The following EIF3H variants were observed in gnomAD, a reference collection of about 807,000 sequenced individuals.
The protein encoded by EIF3H is eIF-3-gamma.
In EIF3H, 26 loss-of-function variants were observed where a neutral mutation model predicts 44.2. That is an observed-to-expected ratio of 0.59 (90% CI 0.43 to 0.82). The LOEUF is 0.82. Ranked by LOEUF, EIF3H falls within the 40% of genes least tolerant of loss-of-function variation. EIF3H has a pLI of 0.00. For missense variants in EIF3H, 359 were observed against 432.8 expected, an observed-to-expected ratio of 0.83 and a Z score of 1.51; for synonymous variants, 166 against 151.9, an observed-to-expected ratio of 1.09 and a Z score of -0.68.
At chr8:116,714,459 A>G (rs1395831285) in intron 2 of EIF3H, among the ~76,000 whole-genome samples, 1 of 152,000 alleles carries the variant, frequency 6.6e-6, no homozygotes, top group Non-Finnish European at 1.5e-5. Flanking sequence ...AGTAAGCAGG[A>G]TTTGGTGTCT....
intron 2 of EIF3H, among the ~76,000 whole-genome samples, chr8:116,683,717 A>G (rs1814029187): frequency 6.6e-6 from 1 of 152,212 alleles, no homozygotes; most frequent in Admixed American, 6.5e-5. Flanking sequence ...AAGACTATAT[A>G]AGAAAATAAT....
chr8:116,744,212 A>AT (rs1739285225), intron 1 of EIF3H, among the ~76,000 whole-genome samples: 2 of 73,868 alleles, frequency 2.7e-5, no homozygotes, highest in Admixed American at 1.3e-4. Flanking sequence ...CATAGAAAGT[A>AT]TTAAAAAAAA....
Position 116,692,733 on chromosome 8 carries a change from C to T in EIF3H, c.289+33283G>A, listed in dbSNP as rs149653755. On this transcript the variant is annotated intron_variant, in intron 2 of 7. Transcript: ENST00000521861. ...GACATTTATTTTAAAAGACTGTATT[C>T]GTAATGTTTAATGAGTTTATTCTCC... Among the ~76,000 whole-genome samples, 498 of 152,134 alleles carry T rather than the reference C, an allele frequency of 3.3e-3. 4 individuals are homozygous for T. The highest frequency in any genetic ancestry group is 0.011 in the African/African-American group (471 of 41,532).
chr8:116,656,996 T>C (rs150553762), intron 4 of EIF3H, among the ~76,000 whole-genome samples: 1 of 152,250 alleles, frequency 6.6e-6, no homozygotes, highest in East Asian at 1.9e-4. Flanking sequence ...CCATTCTAAC[T>C]GAATTCACCC....
At chr8:116,739,010 G>A (rs1815085894) in intron 1 of EIF3H, among the ~76,000 whole-genome samples, 1 of 152,144 alleles carries the variant, frequency 6.6e-6, no homozygotes, top group South Asian at 2.1e-4. Flanking sequence ...CCCCAAAACT[G>A]GCAATAAACA....
At chr8:116,727,908 T>C (rs1177049159) in intron 1 of EIF3H, among the ~76,000 whole-genome samples, 1 of 152,190 alleles carries the variant, frequency 6.6e-6, no homozygotes, top group Non-Finnish European at 1.5e-5. Flanking sequence ...GTAGTCTATA[T>C]GGTATTATAC....
At chr8:116,673,506 T>C (rs1335108287) in intron 2 of EIF3H, among the ~76,000 whole-genome samples, 2 of 152,112 alleles carry the variant, frequency 1.3e-5, no homozygotes, top group African/African-American at 4.8e-5. Context: ...ATAACCTAAA[T>C]GTTAAAAAAC....
At chr8:116,758,880 GA>G (rs1734683783), upstream of EIF3H, among the ~76,000 whole-genome samples, 1 of 152,166 alleles carries the variant, frequency 6.6e-6, no homozygotes, top group African/African-American at 2.4e-5. Flanking sequence ...CATCAGTGCT[GA>G]GAAAGAAGTT....
chr8:116,714,089 C>A (rs566836755), intron 2 of EIF3H, among the ~76,000 whole-genome samples: 13 of 152,130 alleles, frequency 8.5e-5, no homozygotes, highest in African/African-American at 3.1e-4. Context: ...ACAGCAATAT[C>A]TGAAAAGTAT....
chr8:116,692,236 T>G (rs1043358070), intron 2 of EIF3H, among the ~76,000 whole-genome samples: 1 of 152,114 alleles, frequency 6.6e-6, no homozygotes, highest in East Asian at 1.9e-4. Context: ...CTCCAATAAT[T>G]CCACAATTTC....
chr8:116,760,770 TCA>T, upstream of EIF3H, among the ~76,000 whole-genome samples: 1 of 152,210 alleles, frequency 6.6e-6, no homozygotes, highest in Non-Finnish European at 1.5e-5. Context: ...CACCAGGAGT[TCA>T]GTTTCTGCCC....
chr8:116,655,118 C>T (rs925027801), intron 5 of EIF3H, among the ~76,000 whole-genome samples: 4 of 151,928 alleles, frequency 2.6e-5, no homozygotes, highest in South Asian at 2.1e-4. Flanking sequence ...ACTAACATAA[C>T]GCTCAAAGGG....
chr8:116,717,900 T>C (rs1274005844), intron 2 of EIF3H, among the ~76,000 whole-genome samples: 1 of 152,106 alleles, frequency 6.6e-6, no homozygotes, highest in African/African-American at 2.4e-5. Flanking sequence ...TGATGGGACT[T>C]AATTAAACTA....
intron 5 of EIF3H, among the ~76,000 whole-genome samples, chr8:116,653,858 G>A (rs113197476): frequency 9.7e-4 from 147 of 152,120 alleles, no homozygotes; most frequent in East Asian, 2.9e-3. Context: ...TTTAGTCGTC[G>A]CAGAGAACAA....
intron 1 of EIF3H, among the ~76,000 whole-genome samples, chr8:116,744,830 A>T (rs1464074779): frequency 6.6e-6 from 1 of 152,238 alleles, no homozygotes; most frequent in Non-Finnish European, 1.5e-5. Flanking sequence ...GAAACGACCT[A>T]TGGTAGACTT....
chr8:116,665,504 C>T (rs1813652666), intron 2 of EIF3H, among the ~76,000 whole-genome samples: 1 of 152,000 alleles, frequency 6.6e-6, no homozygotes, highest in Admixed American at 6.6e-5. Context: ...AAAAAACCCA[C>T]AAAGCTCAAT....
At chr8:116,674,345 T>A (rs1813812057) in intron 2 of EIF3H, among the ~76,000 whole-genome samples, 1 of 147,238 alleles carries the variant, frequency 6.8e-6, no homozygotes, top group African/African-American at 2.5e-5. Flanking sequence ...GGGGAAGGGA[T>A]TCTAAAGCAG....
chr8:116,672,531 G>C (rs147219839), intron 2 of EIF3H, among the ~76,000 whole-genome samples: 1 of 152,162 alleles, frequency 6.6e-6, no homozygotes, highest in East Asian at 1.9e-4. Context: ...TCAGGAGAAC[G>C]AGGTGGAAGG....
rs180805413 is a variant in EIF3H, at chr8:116,710,529, C to T, written c.289+15487G>A. Among the ~76,000 whole-genome samples, 5 of 152,264 alleles carry T rather than the reference C, an allele frequency of 3.3e-5. No individual in the cohort carries two copies. In the East Asian group the frequency reaches 9.6e-4, roughly 29 times the overall value. Reference sequence around the variant, plus strand: ...TATTTAATATAATACCTAGTGTACACCCACAAACTTAACTTTCTAAAAATC... The same window carrying T: ...TATTTAATATAATACCTAGTGTACATCCACAAACTTAACTTTCTAAAAATC... On this transcript the variant is annotated intron_variant, in intron 2 of 7. Transcript: ENST00000521861.
Sources: allele counts gnomAD v4.1 joint callset (sites outside exome capture counted in the v4.1 genomes callset), GRCh38; gene constraint gnomAD v4.1.1; transcripts MANE v1.5; gene names NCBI Gene and HGNC (gene_info 2026-07-23, HGNC 2026-07-21).